SEMA3G: variants seen among roughly 807,000 people sequenced by gnomAD.
The protein encoded by SEMA3G is semaphorin 3G, also known as semaphorin-3G.
Under a neutral mutation model 86.2 loss-of-function variants are expected in SEMA3G, and 70 were observed. The ratio of observed to expected loss-of-function variants is 0.81; its 90% CI spans 0.67 to 0.99. The LOEUF is 0.99. SEMA3G is among the 50% of genes least tolerant of loss of function. SEMA3G has a pLI of 0.00. For synonymous variants in SEMA3G, 416 were observed against 441.4 expected (o/e 0.94, Z 0.72); for missense variants, 1,002 against 1,072.4 (o/e 0.93, Z 0.92).
At chr3:52,438,874 C>G (rs1178471170) in intron 13 of SEMA3G, 46 bp downstream of exon 13, 1 of 1,609,188 alleles carries the variant, frequency 6.2e-7, no homozygotes, top group East Asian at 2.2e-5. Context: ...GGCTGCGGAG[C>G]AGGGGCAGAA....
At chr3:52,436,354 C>T (rs2153229542) in intron 15 of SEMA3G, among the ~76,000 whole-genome samples, 1 of 152,362 alleles carries the variant, frequency 6.6e-6, no homozygotes, top group South Asian at 2.1e-4. Context: ...ATCTTGGCCT[C>T]AGAGGGCCCT....
intron 14 of SEMA3G, 58 bp from the exon 15 acceptor site, chr3:52,437,724 C>A: frequency 6.5e-7 from 1 of 1,547,070 alleles, no homozygotes; most frequent in South Asian, 1.2e-5. Flanking sequence ...ATCCCAGTGC[C>A]ACCACCTGAC....
chr3:52,439,932 T>G lies in SEMA3G; in HGVS notation c.1310A>C (p.His437Pro). ...CTCCACGCGGTCCACCACGATCTGG[T>G]GTAGCTGCTGGGCCAGGTGGGTCTT... is the stretch of plus-strand genomic sequence containing the variant. ...LVKTHLAQQL[H>P]QIVVDRVEAE... The change falls in exon 11 of 16, where the codon CAC (histidine) becomes CCC (proline). Residue 437 changes from histidine to proline, a missense_variant. His to Pro is a moderately conservative substitution (Grantham distance 77). Coordinates refer to ENST00000231721, the MANE Select transcript of SEMA3G (RefSeq NM_020163.3). 1 of 1,613,788 alleles carries G rather than the reference T, an allele frequency of 6.2e-7. No homozygotes were observed. Among genetic ancestry groups the G allele is most frequent in the Non-Finnish European group, 8.5e-7 (1 of 1,179,976 alleles).
Position 52,442,989 on chromosome 3 carries a change from C to T in SEMA3G, c.116-82G>A. On this transcript the variant is annotated intron_variant, in intron 1 of 15. Transcript: ENST00000231721. The surrounding 1 kb of genome is among the most constrained non-coding windows in gnomAD (Gnocchi z 6.1). ...CAAGGAGTGGAGGTGGAGGCCCCGG[C>T]TGAGCATCCACCCCTGACACACTCA... is the stretch of plus-strand genomic sequence containing the variant. 2 of 1,548,594 alleles carry T rather than the reference C, an allele frequency of 1.3e-6. No homozygotes were observed. The highest frequency in any genetic ancestry group is 3.3e-4 in the Middle Eastern group (2 of 5,990).
At chr3:52,441,784 C>G (rs1160363431) in intron 5 of SEMA3G, 35 bp downstream of exon 5, 1 of 1,597,418 alleles carries the variant, frequency 6.3e-7, no homozygotes, top group Admixed American at 1.7e-5. Flanking sequence ...AGCTGCCACC[C>G]TCCCTGTTCT....
At position 52,435,880 on chromosome 3, in the gene SEMA3G, T is replaced by G. The variant is rs919890825; in HGVS notation, c.2072A>C (p.Glu691Ala). 26 of 1,613,918 alleles carry G rather than the reference T, an allele frequency of 1.6e-5. No individual in the cohort carries two copies. Among genetic ancestry groups the G allele is most frequent in the Non-Finnish European group, 2.2e-5 (26 of 1,180,038 alleles). ...NLFPPEPKPE[E>A]PPARGGLAST... is the part of the protein sequence containing the mutation. Reference sequence around the variant, plus strand: ...AGCCAGGCCTCCCCGGGCTGGGGGCTCCTCTGGCTTTGGCTCCGGAGGGAA... The same window carrying G: ...AGCCAGGCCTCCCCGGGCTGGGGGCGCCTCTGGCTTTGGCTCCGGAGGGAA... The change falls in exon 16 of 16, where the codon GAG (glutamate) becomes GCG (alanine). Residue 691 changes from glutamate to alanine, a missense_variant. Glu to Ala is a moderately radical substitution (Grantham distance 107). Transcript: ENST00000231721.
intron 14 of SEMA3G, 100 bp from the exon 15 acceptor site, chr3:52,437,766 A>C: frequency 1.4e-6 from 2 of 1,395,060 alleles, no homozygotes; most frequent in African/African-American, 1.4e-5. Context: ...TAGTATGACA[A>C]GAACTTAGGC....
At position 52,438,587 on chromosome 3, in the gene SEMA3G, T is replaced by C. The variant is rs1004645040; in HGVS notation, c.1509+333A>G. 4.1e-6 allele frequency: 4 copies of C among 985,370 alleles called. No individual in the cohort carries two copies. In the Admixed American group the frequency reaches 2.5e-4, roughly 61 times the overall value. 61.0% of individuals were successfully genotyped at this position (985,370 alleles called of 1,614,324 possible). On this transcript the variant is annotated intron_variant, in intron 13 of 15. Transcript: ENST00000231721. ...AAAGATACACTGGAGCAGATAAATA[T>C]GGGGAGACGGGTTTTGCCACTTGGC... is the stretch of plus-strand genomic sequence containing the variant.
chr3:52,441,576 T>C lies in SEMA3G; in HGVS notation c.665A>G (p.His222Arg). 6.2e-7 allele frequency: 1 copy of C among 1,612,776 alleles called. No homozygotes were observed. Among genetic ancestry groups the C allele is most frequent in the Non-Finnish European group, 8.5e-7 (1 of 1,179,368 alleles). Residue 222 changes from histidine to arginine, a missense_variant and splice_region_variant, in exon 6 of 16, where the codon CAC (histidine) becomes CGC (arginine). His to Arg is a conservative substitution (Grantham distance 29, BLOSUM62 0). Coordinates refer to ENST00000231721, the MANE Select transcript of SEMA3G (RefSeq NM_020163.3). The part of the protein sequence containing the change: ...LRSDSDQSLL[H>R]DPRFVMAARI... Reference sequence around the variant, plus strand: ...CCAGTTCCAGGGGCAGGCCTCACCGTGCAAGAGACTCTGGTCAGAGTCGGA... The same window carrying C: ...CCAGTTCCAGGGGCAGGCCTCACCGCGCAAGAGACTCTGGTCAGAGTCGGA...
At position 52,437,963 on chromosome 3, in the gene SEMA3G, C is replaced by G; in HGVS notation, c.1738+8G>C. The stretch of plus-strand genomic sequence containing the variant: ...CCAGTCTGGGCCCTCCCACCTGCCA[C>G]CACTCACCTTCCTGGCTCTGGCCCA... On this transcript the variant is annotated splice_region_variant and intron_variant, in intron 14 of 15. Coordinates refer to ENST00000231721, the MANE Select transcript of SEMA3G (RefSeq NM_020163.3). The G allele has an allele frequency of 6.2e-7, 1 of 1,610,330 alleles. No individual in the cohort carries two copies. The highest frequency in any genetic ancestry group is 1.1e-5 in the South Asian group (1 of 90,946).
Position 52,435,547 on chromosome 3 carries a change from TG to T in SEMA3G, c.*55del. The T allele has an allele frequency of 1.3e-6, 2 of 1,528,034 alleles. No individual in the cohort carries two copies. The highest frequency in any genetic ancestry group is 2.3e-5 in the East Asian group (1 of 44,290). The allele number at this position is 1,528,034 out of a possible 1,614,324, so 94.7% of individuals were successfully genotyped here. A position where few individuals can be genotyped will look rare whatever the true frequency, so the allele number is the denominator to read the frequency against. On this transcript the variant is annotated 3_prime_UTR_variant, in exon 16 of 16. Coordinates refer to ENST00000231721, the MANE Select transcript of SEMA3G (RefSeq NM_020163.3). ...CCCTAGCTGGGTGGGTGGGAGATGC[TG>T]GGGGCTGCTAGTGGGCCCCCCAGCC...
intron 1 of SEMA3G, among the ~76,000 whole-genome samples, chr3:52,443,340 C>A (rs1169604637): frequency 6.6e-6 from 1 of 152,202 alleles, no homozygotes; most frequent in African/African-American, 2.4e-5. Context: ...CTGTTCCCAG[C>A]AGAGGGGACC....
rs1706043778 is a variant in SEMA3G at position 52,436,043 on chromosome 3, C to T, written c.1909G>A (p.Glu637Lys). 1 of 1,612,526 alleles carries T rather than the reference C, an allele frequency of 6.2e-7. No homozygotes were observed. Among genetic ancestry groups the T allele is most frequent in the Middle Eastern group, 1.7e-4 (1 of 6,058 alleles). ...VKTDERVLHT[E>K]RGLLFRRLSR... ...AGCCTGCGGAACAGCAGCCCCCGCT[C>T]CGTGTGCAAGACTCGCTCGTCCGTC... Residue 637 changes from glutamate to lysine, a missense_variant, in exon 16 of 16, where the codon GAG (glutamate) becomes AAG (lysine). By Grantham distance (56) the Glu-to-Lys change is moderately conservative. Coordinates refer to ENST00000231721, the MANE Select transcript of SEMA3G (RefSeq NM_020163.3).
rs1706143169 is a variant in SEMA3G, at chr3:52,441,015, T to A, written c.847A>T (p.Lys283Ter). Residue 283 changes from lysine to a stop codon, truncating the protein, a stop_gained, in exon 8 of 16, where the codon AAA becomes TAA. Coordinates refer to ENST00000231721, the MANE Select transcript of SEMA3G (RefSeq NM_020163.3). LOFTEE classifies it high-confidence loss of function. The part of the protein sequence containing the change: ...DAGGQRVLVN[K>*]WSTFLKARLV... ...CTGGCCTTGAGGAAAGTGCTCCATT[T>A]GTTCACCAGCACCCGCTGGCCCCCA... is the stretch of plus-strand genomic sequence containing the variant. 1 of 1,603,446 alleles carries A rather than the reference T, an allele frequency of 6.2e-7. No individual in the cohort carries two copies. The highest frequency in any genetic ancestry group is 8.5e-7 in the Non-Finnish European group (1 of 1,179,492).
intron 9 of SEMA3G, 115 bp downstream of exon 9, chr3:52,440,639 A>G: frequency 1.4e-6 from 2 of 1,465,752 alleles, no homozygotes. Context: ...AGACTCCGAA[A>G]AGCAAAGACC....
In SEMA3G at chr3:52,439,870, T is replaced by G. The variant is rs1426968233; in HGVS notation, c.1372A>C (p.Thr458Pro). 3 of 1,612,698 alleles carry G rather than the reference T, an allele frequency of 1.9e-6. No individual in the cohort carries two copies. Among genetic ancestry groups the G allele is most frequent in the Non-Finnish European group, 2.5e-6 (3 of 1,179,224 alleles). Residue 458 changes from threonine to proline, a missense_variant, in exon 11 of 16, where the codon ACT becomes CCT. By Grantham distance (38) the Thr-to-Pro change is conservative (BLOSUM62 -1). Transcript: ENST00000231721. ...DGTYDVIFLG[T>P]DSGSVLKVIA... ...CACCCTGGCTCAGCTGTCCTACCAG[T>G]CCCCAGGAAAATGACATCGTAGGTC...
intron 15 of SEMA3G, among the ~76,000 whole-genome samples, chr3:52,436,558 A>G (rs191660305): frequency 4.6e-5 from 7 of 152,304 alleles, no homozygotes; most frequent in Admixed American, 4.6e-4. Flanking sequence ...ACGCACACAC[A>G]CACAGAGACA....
At chr3:52,443,117 C>G in intron 1 of SEMA3G, 1 of 1,395,604 alleles carries the variant, frequency 7.2e-7, no homozygotes, top group South Asian at 1.2e-5. Flanking sequence ...CCTGGCCCAG[C>G]CTACCCTGGG....
chr3:52,436,752 G>T (rs893097970), intron 15 of SEMA3G, among the ~76,000 whole-genome samples: 1 of 152,232 alleles, frequency 6.6e-6, no homozygotes, highest in Non-Finnish European at 1.5e-5. Flanking sequence ...TGTGTTGGGG[G>T]TGGATTGCTT....
Sources: gnomAD v4.1 joint callset for allele counts (sites outside exome capture counted in the v4.1 genomes callset) on GRCh38, gnomAD v4.1.1 for gene constraint, Gnocchi (gnomAD v3.1) non-coding constraint, MANE v1.5 for transcripts, NCBI Gene and HGNC (gene_info 2026-07-23, HGNC 2026-07-21) for gene names.